Variants in MGST1 observed in about 807,000 individuals in gnomAD.
MGST1 encodes glutathione S-transferase 12.
MGST1 carries 5 observed loss-of-function variants against 8.9 expected under a neutral mutation model. The ratio of observed to expected loss-of-function variants is 0.56; its 90% CI spans 0.29 to 1.19. The LOEUF (loss-of-function observed/expected upper bound fraction) is 1.19, where lower values mean the gene tolerates loss of function less well. MGST1 is among the 50% of genes most tolerant of loss of function. The pLI is 0.08. For synonymous variants in MGST1, 54 were observed against 67.8 expected (o/e 0.80, Z 1.00); for missense variants, 182 against 187.4 (o/e 0.97, Z 0.17).
chr12:16,514,911 A>T lies in MGST1; in HGVS notation n.483-74617A>T, dbSNP rs186795688. ...AACAAAACTCTACCCTATCCTTTTA[A>T]TCCAACTTTTCTCAAAGAGTTTACA... On this transcript the variant is annotated intron_variant and non_coding_transcript_variant, in intron 4 of 4. Coordinates refer to the MGST1 transcript ENST00000538857. 5.2e-3 allele frequency among the ~76,000 whole-genome samples: 793 copies of T among 152,332 alleles called. 6 individuals carry two copies. The highest frequency in any genetic ancestry group is 0.028 in the South Asian group (133 of 4,822).
intron 1 of MGST1, among the ~76,000 whole-genome samples, chr12:16,394,798 T>A (rs970948467): frequency 2.6e-5 from 4 of 151,994 alleles, no homozygotes; most frequent in African/African-American, 9.7e-5. Context: ...AGTTTCACCA[T>A]GTTAGCCAGG....
In MGST1 at chr12:16,488,000, A is replaced by G. The variant is rs116395414; in HGVS notation, n.483-101528A>G. ...GAATTACATACCCATCTGTACTATA[A>G]GGAATTTGAAATATATATTTTATTG... On this transcript the variant is annotated intron_variant and non_coding_transcript_variant, in intron 4 of 4. Transcript: ENST00000538857. Among the ~76,000 whole-genome samples the G allele has an allele frequency of 5.8e-3, 876 of 152,308 alleles. 7 individuals carry two copies. The highest frequency in any genetic ancestry group is 0.02 in the African/African-American group (832 of 41,562).
chr12:16,463,726 C>T (rs1228025246), intron 4 of MGST1, among the ~76,000 whole-genome samples: 2 of 151,978 alleles, frequency 1.3e-5, no homozygotes, highest in Non-Finnish European at 2.9e-5. Flanking sequence ...AGCCTTTACA[C>T]TTGCTTCCAT....
chr12:16,464,213 C>A (rs1367308425), intron 4 of MGST1, among the ~76,000 whole-genome samples: 1 of 152,170 alleles, frequency 6.6e-6, no homozygotes, highest in African/African-American at 2.4e-5. Context: ...CTATGAAACA[C>A]TAAATGTAGC....
intron 4 of MGST1, among the ~76,000 whole-genome samples, chr12:16,478,185 A>AC (rs1343084671): frequency 1.3e-5 from 2 of 152,102 alleles, no homozygotes; most frequent in African/African-American, 4.8e-5. Flanking sequence ...GCGTGCCACC[A>AC]CGCCCAGCTA....
chr12:16,385,393 T>C (rs1176537591), intron 1 of MGST1, among the ~76,000 whole-genome samples: 5 of 152,054 alleles, frequency 3.3e-5, no homozygotes, highest in Non-Finnish European at 7.4e-5. Flanking sequence ...TGAGGTTACA[T>C]CAATCACATG....
At chr12:16,433,784 G>A (rs1186586132) in intron 1 of MGST1, among the ~76,000 whole-genome samples, 2 of 151,906 alleles carry the variant, frequency 1.3e-5, no homozygotes, top group Non-Finnish European at 2.9e-5. Flanking sequence ...CCCAATCCAA[G>A]GCAATCTCAA....
At chr12:16,376,019 C>A in intron 3 of MGST1, 1 of 755,894 alleles carries the variant, frequency 1.3e-6, no homozygotes, top group Non-Finnish European at 1.9e-6. Flanking sequence ...TATATGTACA[C>A]ACACAGATTT....
intron 4 of MGST1, among the ~76,000 whole-genome samples, chr12:16,572,264 G>T (rs1361981980): frequency 1.3e-5 from 2 of 148,378 alleles, no homozygotes; most frequent in Non-Finnish European, 3.0e-5. Context: ...AAAACCTGTA[G>T]ATTACATATT....
chr12:16,364,154 TG>T lies in MGST1; in HGVS notation c.*117del. ...GGAGGGGAGCAGAGGAATTATGAAC[TG>T]GGGTAAACCCATTTTGAATATTAGC... is the stretch of plus-strand genomic sequence containing the variant. On this transcript the variant is annotated 3_prime_UTR_variant, in exon 4 of 4. Coordinates refer to ENST00000396210, the MANE Select transcript of MGST1 (RefSeq NM_020300.5). This position sits in a 1 kb window ranked among gnomAD's most constrained non-coding sequence, Gnocchi z 5.7. 1 of 1,424,120 alleles carries T rather than the reference TG, an allele frequency of 7.0e-7. No individual in the cohort carries two copies. 88.2% of individuals were successfully genotyped at this position (1,424,120 alleles called of 1,614,324 possible). A position where few individuals can be genotyped will look rare whatever the true frequency, so the allele number is the denominator to read the frequency against.
At chr12:16,349,674 C>T (rs1276525197) in intron 1 of MGST1, among the ~76,000 whole-genome samples, 1 of 151,772 alleles carries the variant, frequency 6.6e-6, no homozygotes, top group Non-Finnish European at 1.5e-5. Flanking sequence ...TCCTCAGTGC[C>T]TAGAACAGCG....
intron 1 of MGST1, chr12:16,399,900 A>G: frequency 7.9e-7 from 1 of 1,266,426 alleles, no homozygotes; most frequent in South Asian, 1.2e-5. Flanking sequence ...GCTCAAAGTA[A>G]ATCAGCTCTA....
rs879289893 is a variant in MGST1 at position 16,560,347 on chromosome 12, T to A, written n.483-29181T>A. ...TAAATGTATGAATATAATTTCCACC[T>A]ATTAAATAAATAGCCAGCACAGAGA... On this transcript the variant is annotated intron_variant and non_coding_transcript_variant, in intron 4 of 4. Transcript: ENST00000538857. The surrounding 1 kb of genome is among the most constrained non-coding windows in gnomAD (Gnocchi z 5.0). The A allele has an allele frequency of 4.3e-5, 65 of 1,506,172 alleles. No individual in the cohort carries two copies. Among genetic ancestry groups the A allele is most frequent in the Non-Finnish European group, 5.8e-5 (65 of 1,112,308 alleles). 93.3% of individuals were successfully genotyped at this position (1,506,172 alleles called of 1,614,324 possible). A position where few individuals can be genotyped will look rare whatever the true frequency, so the allele number is the denominator to read the frequency against.
downstream of MGST1, among the ~76,000 whole-genome samples, chr12:16,591,505 CT>C (rs1943493864): frequency 6.7e-6 from 1 of 148,178 alleles, no homozygotes; most frequent in Non-Finnish European, 1.5e-5. This position sits in a 1 kb window ranked among gnomAD's most constrained non-coding sequence, Gnocchi z 4.1. Flanking sequence ...AGAATATAAA[CT>C]CTACAAGGGG....
downstream of MGST1, among the ~76,000 whole-genome samples, chr12:16,364,787 TG>T (rs1940154353): frequency 6.6e-6 from 1 of 152,180 alleles, no homozygotes; most frequent in African/African-American, 2.4e-5. The surrounding 1 kb of genome is among the most constrained non-coding windows in gnomAD (Gnocchi z 5.7). Context: ...ACTTTATTTT[TG>T]ATCCAGGATT....
intron 4 of MGST1, among the ~76,000 whole-genome samples, chr12:16,564,421 G>A (rs1942517185): frequency 6.6e-6 from 1 of 152,202 alleles, no homozygotes; most frequent in South Asian, 2.1e-4. Context: ...AACTCTTTAT[G>A]GTTTAGTGTA....
chr12:16,357,431 A>T (rs1939768485), intron 2 of MGST1, 174 bp from the exon 3 acceptor site: 12 of 541,428 alleles, frequency 2.2e-5, no homozygotes, highest in South Asian at 2.0e-4. Context: ...ACCATGCAAA[A>T]TTTTTTTTAA....
chr12:16,482,036 A>C lies in MGST1; in HGVS notation n.482+98432A>C, dbSNP rs1941367626. Among the ~76,000 whole-genome samples, 1 of 152,250 alleles carries C rather than the reference A, an allele frequency of 6.6e-6. No homozygotes were observed. Among genetic ancestry groups the C allele is most frequent in the Non-Finnish European group, 1.5e-5 (1 of 68,042 alleles). On this transcript the variant is annotated intron_variant and non_coding_transcript_variant, in intron 4 of 4. Coordinates refer to the MGST1 transcript ENST00000538857. The surrounding 1 kb of genome is among the most constrained non-coding windows in gnomAD (Gnocchi z 4.2). ...AGAAAGGAATAATAAGCAGATTGAC[A>C]ATGTAAGCTAAGGCATATAAAATAA...
chr12:16,371,079 T>C (rs147218880), intron 3 of MGST1, among the ~76,000 whole-genome samples: 125 of 152,300 alleles, frequency 8.2e-4, no homozygotes, highest in Middle Eastern at 3.4e-3. Context: ...AATTTTCTTC[T>C]ATTAATTCTT....
Sources: allele counts gnomAD v4.1 joint callset (sites outside exome capture counted in the v4.1 genomes callset), GRCh38; gene constraint gnomAD v4.1.1; non-coding constraint Gnocchi (gnomAD v3.1); transcripts MANE v1.5; gene names NCBI Gene and HGNC (gene_info 2026-07-23, HGNC 2026-07-21).